The following IL23R variants were observed in gnomAD, a reference collection of about 807,000 sequenced individuals.
IL23R encodes the protein interleukin 23 receptor, also known as interleukin-23 receptor.
In IL23R, 34 loss-of-function variants were observed where a neutral mutation model predicts 56.9. The observed-to-expected ratio is 0.60, with a 90% CI of 0.45 to 0.80. IL23R has a LOEUF of 0.80. Ranked by LOEUF, IL23R falls within the 30% of genes least tolerant of loss-of-function variation. IL23R has a pLI of 0.00. For missense variants in IL23R, 635 were observed against 730.0 expected (o/e 0.87, Z 1.50); for synonymous variants, 230 against 249.2 (o/e 0.92, Z 0.73).
At chr1:67,184,228 C>G (rs1647212270) in intron 4 of IL23R, among the ~76,000 whole-genome samples, 1 of 149,846 alleles carries the variant, frequency 6.7e-6, no homozygotes, top group Non-Finnish European at 1.5e-5. Context: ...GAGCGAGACT[C>G]CATCTCAAAA....
intron 3 of IL23R, among the ~76,000 whole-genome samples, chr1:67,181,092 T>G (rs895766549): frequency 6.6e-6 from 1 of 152,192 alleles, no homozygotes; most frequent in Non-Finnish European, 1.5e-5. Flanking sequence ...CTGACAATCA[T>G]GTGTCTTGGA....
chr1:67,226,036 C>A (rs764347052), intron 7 of IL23R, among the ~76,000 whole-genome samples: 2 of 152,186 alleles, frequency 1.3e-5, no homozygotes, highest in Non-Finnish European at 2.9e-5. Flanking sequence ...TGACTCCTGT[C>A]GCATATCATG....
intron 6 of IL23R, among the ~76,000 whole-genome samples, chr1:67,214,397 G>A (rs1338904329): frequency 6.6e-6 from 1 of 152,176 alleles, no homozygotes; most frequent in Admixed American, 6.5e-5. Flanking sequence ...TTCAAACTCT[G>A]TTTCCCTATT....
rs1646785531 is a variant in IL23R at position 67,158,086 on chromosome 1, G to A, written c.-633-10006G>A. On this transcript the variant is annotated intron_variant, in intron 1 of 10. Coordinates refer to the IL23R transcript ENST00000637002. Reference sequence around the variant, plus strand: ...CAAAAATTAGCTGGGCATGATGGTGGGGGCCTGTAATCCCAGCTACCTGGG... The same window carrying A: ...CAAAAATTAGCTGGGCATGATGGTGAGGGCCTGTAATCCCAGCTACCTGGG... 2.0e-5 allele frequency among the ~76,000 whole-genome samples: 3 copies of A among 152,084 alleles called. No individual in the cohort carries two copies. The South Asian group carries it at 6.2e-4, about 32-fold the overall frequency.
At chr1:67,190,360 A>G (rs180792827) in intron 4 of IL23R, among the ~76,000 whole-genome samples, 9 of 151,878 alleles carry the variant, frequency 5.9e-5, no homozygotes, top group African/African-American at 2.2e-4. Flanking sequence ...GCCTCACCAG[A>G]CAGAGCCTCC....
At chr1:67,204,323 G>A (rs765094773) in intron 5 of IL23R, among the ~76,000 whole-genome samples, 3 of 152,006 alleles carry the variant, frequency 2.0e-5, no homozygotes, top group Non-Finnish European at 4.4e-5. Context: ...TCGACCTCCC[G>A]ATACTTTTTT....
Position 67,259,140 on chromosome 1 carries a change from C to A in IL23R, c.*12C>A. 1.2e-6 allele frequency: 2 copies of A among 1,613,232 alleles called. No homozygotes were observed. The highest frequency in any genetic ancestry group is 2.2e-5 in the South Asian group (2 of 90,840). On this transcript the variant is annotated 3_prime_UTR_variant, in exon 11 of 11. Transcript: ENST00000347310. ...TCTTGGAAAAGTAGAGCTGTGTGGT[C>A]AAAATCAATATGAGAAAGCTGCCTT...
chr1:67,211,465 A>G (rs899579148), intron 6 of IL23R, among the ~76,000 whole-genome samples: 10 of 152,162 alleles, frequency 6.6e-5, no homozygotes, highest in East Asian at 1.9e-4. Context: ...TACTGAAAAT[A>G]CAAAAAATTT....
rs151223118 is a variant in IL23R at position 67,241,432 on chromosome 1, G to T, written c.1148+1151G>T. ...ACTCCATTTTGGTTTGGTTTGGTCT[G>T]TTGGAGTCTAGTGCATGAGCTCAGT... On this transcript the variant is annotated intron_variant, in intron 9 of 10. Coordinates refer to ENST00000347310, the MANE Select transcript of IL23R (RefSeq NM_144701.3). Among the ~76,000 whole-genome samples, 146 of 152,290 alleles carry T rather than the reference G, an allele frequency of 9.6e-4. 2 individuals are homozygous for T. In the East Asian group the frequency reaches 0.026, roughly 27 times the overall value.
chr1:67,207,575 G>C (rs1649163868), intron 6 of IL23R: 1 of 363,924 alleles, frequency 2.7e-6, no homozygotes, highest in Admixed American at 3.3e-5. Context: ...AGTCTCACGA[G>C]ATCTGATGCG....
chr1:67,249,292 G>C (rs978653605), intron 9 of IL23R, among the ~76,000 whole-genome samples: 6 of 152,172 alleles, frequency 3.9e-5, no homozygotes, highest in Non-Finnish European at 7.3e-5. Context: ...CGAATTTAAA[G>C]TTATTAGAAA....
chr1:67,181,532 G>A (rs543394586), intron 3 of IL23R, among the ~76,000 whole-genome samples: 28 of 152,194 alleles, frequency 1.8e-4, no homozygotes, highest in South Asian at 1.0e-3. Context: ...TTAGCCATCC[G>A]TCTAATCTTT....
chr1:67,225,785 C>T (rs2100259050), intron 7 of IL23R, among the ~76,000 whole-genome samples: 1 of 151,918 alleles, frequency 6.6e-6, no homozygotes, highest in African/African-American at 2.4e-5. Context: ...GCTGGGATTA[C>T]AAGCACGAGC....
chr1:67,177,025 C>A (rs994300777), intron 3 of IL23R, among the ~76,000 whole-genome samples: 6 of 152,140 alleles, frequency 3.9e-5, no homozygotes, highest in Non-Finnish European at 8.8e-5. Flanking sequence ...CATTGTTGGA[C>A]ATTTGGGTTG....
intron 3 of IL23R, among the ~76,000 whole-genome samples, chr1:67,178,098 C>A (rs1394026191): frequency 6.6e-6 from 1 of 152,040 alleles, no homozygotes; most frequent in African/African-American, 2.4e-5. Context: ...CTTGGCGATG[C>A]AGGCTTGTGT....
downstream of IL23R, among the ~76,000 whole-genome samples, chr1:67,261,753 A>G (rs1419204606): frequency 6.6e-6 from 1 of 152,254 alleles, no homozygotes; most frequent in African/African-American, 2.4e-5. Context: ...ATATTTTTAT[A>G]GTACGTTTCA....
At chr1:67,198,309 G>T (rs113333976) in intron 4 of IL23R, among the ~76,000 whole-genome samples, 7 of 152,124 alleles carry the variant, frequency 4.6e-5, no homozygotes, top group Non-Finnish European at 1.0e-4. Context: ...TTTCGCCACC[G>T]CCTCCAACCC....
chr1:67,253,794 C>T (rs1272363621), intron 9 of IL23R, among the ~76,000 whole-genome samples: 2 of 151,984 alleles, frequency 1.3e-5, no homozygotes. Context: ...TTTAAACATG[C>T]CCTAGTGTAA....
intron 1 of IL23R, among the ~76,000 whole-genome samples, chr1:67,150,035 G>C (rs1434413385): frequency 6.6e-6 from 1 of 152,042 alleles, no homozygotes; most frequent in African/African-American, 2.4e-5. Context: ...CTTTACATAG[G>C]AATTTTCTGG....
Sources: gnomAD v4.1 joint callset for allele counts (sites outside exome capture counted in the v4.1 genomes callset) on GRCh38, gnomAD v4.1.1 for gene constraint, MANE v1.5 for transcripts, NCBI Gene and HGNC (gene_info 2026-07-23, HGNC 2026-07-21) for gene names.